The following ADGRL2 variants were observed in gnomAD, a reference collection of about 807,000 sequenced individuals.
ADGRL2 encodes adhesion G protein-coupled receptor L2.
A neutral mutation model predicts 157.4 loss-of-function variants in ADGRL2; 44 were observed. That is an observed-to-expected ratio of 0.28 (90% CI 0.22 to 0.36). ADGRL2 has a LOEUF of 0.36. ADGRL2 is among the 10% of genes least tolerant of loss of function. The pLI, the probability that ADGRL2 is intolerant of heterozygous loss-of-function variation, is 1.00. For missense variants in ADGRL2, 1,510 were observed against 1,768.9 expected, an observed-to-expected ratio of 0.85 and a Z score of 2.63; for synonymous variants, 585 against 624.7, an observed-to-expected ratio of 0.94 and a Z score of 0.95.
At chr1:81,308,055 C>T (rs1216546902) in intron 1 of ADGRL2, among the ~76,000 whole-genome samples, 3 of 151,252 alleles carry the variant, frequency 2.0e-5, no homozygotes, top group East Asian at 1.9e-4. Context: ...GCAAGCTACT[C>T]GGCTAGGATA....
At chr1:81,541,069 T>C (rs2079872079) in intron 2 of ADGRL2, among the ~76,000 whole-genome samples, 1 of 152,200 alleles carries the variant, frequency 6.6e-6, no homozygotes, top group Non-Finnish European at 1.5e-5. Flanking sequence ...CCCTGCCCTC[T>C]AGGAACTTAT....
intron 3 of ADGRL2, among the ~76,000 whole-genome samples, chr1:81,688,739 A>G (rs1215819086): frequency 6.6e-6 from 1 of 151,954 alleles, no homozygotes; most frequent in Non-Finnish European, 1.5e-5. Context: ...GGGGGTGTTG[A>G]AGGCCTTGTT....
intron 15 of ADGRL2, among the ~76,000 whole-genome samples, chr1:81,969,715 G>A (rs1658164036): frequency 6.6e-6 from 1 of 152,064 alleles, no homozygotes; most frequent in African/African-American, 2.4e-5. Context: ...TCTGACCAGT[G>A]ATCCTTTCTT....
intron 2 of ADGRL2, among the ~76,000 whole-genome samples, chr1:81,553,370 C>G (rs546968915): frequency 6.6e-6 from 1 of 152,228 alleles, no homozygotes; most frequent in African/African-American, 2.4e-5. Context: ...TCTCCCAAAG[C>G]AGTATTTGCA....
At chr1:81,306,344 G>A (rs1659337028) in exon 1 of ADGRL2, 1 of 152,204 alleles carries the variant, frequency 6.6e-6, no homozygotes, top group South Asian at 2.1e-4. Context: ...AGCTTGAGGA[G>A]GTCACTCGTT....
intron 3 of ADGRL2, among the ~76,000 whole-genome samples, chr1:81,610,048 T>C (rs2081508801): frequency 6.6e-6 from 1 of 152,202 alleles, no homozygotes; most frequent in African/African-American, 2.4e-5. Context: ...CACTGTCAGC[T>C]AACAGCCTCC....
At chr1:81,720,179 C>CTTTTTTTT (rs370916970) in intron 1 of ADGRL2, among the ~76,000 whole-genome samples, 20 of 138,880 alleles carry the variant, frequency 1.4e-4, no homozygotes, top group Admixed American at 2.1e-4. Flanking sequence ...TCCTTTTTTT[C>CTTTTTTTT]TTTTCTTTTT....
chr1:81,761,061 C>T (rs563796500), intron 1 of ADGRL2, among the ~76,000 whole-genome samples: 142 of 151,714 alleles, frequency 9.4e-4, no homozygotes, highest in African/African-American at 3.3e-3. Context: ...CCTTCAAATC[C>T]CAGTTTTATT....
At chr1:81,429,626 G>T (rs1210241885) in intron 1 of ADGRL2, among the ~76,000 whole-genome samples, 1 of 152,232 alleles carries the variant, frequency 6.6e-6, no homozygotes, top group Non-Finnish European at 1.5e-5. Flanking sequence ...GCTGCTAGCA[G>T]CTCTTCAATC....
chr1:81,970,784 T>C (rs1416067279), intron 16 of ADGRL2, among the ~76,000 whole-genome samples: 1 of 152,132 alleles, frequency 6.6e-6, no homozygotes, highest in South Asian at 2.1e-4. Flanking sequence ...CTGAAACAAA[T>C]TGAAAAAGTA....
chr1:81,488,486 G>A (rs1476674238), intron 2 of ADGRL2, among the ~76,000 whole-genome samples: 4 of 151,054 alleles, frequency 2.6e-5, no homozygotes, highest in African/African-American at 9.7e-5. Context: ...AATAGCTTGA[G>A]CTCAGGAGTT....
chr1:81,762,070 C>T (rs1015818132), intron 2 of ADGRL2, among the ~76,000 whole-genome samples: 2 of 152,038 alleles, frequency 1.3e-5, no homozygotes, highest in Non-Finnish European at 2.9e-5. Context: ...ACAGGAAATA[C>T]AAGGTTTTGC....
At position 81,646,385 on chromosome 1, in the gene ADGRL2, C is replaced by T. The variant is rs138662744; in HGVS notation, c.-143+65405C>T. ...CACTATTGAGTAAAGGCCCTGGTCA[C>T]GATCCACTAGGAATGACTTCATGGG... On this transcript the variant is annotated intron_variant, in intron 3 of 24. Transcript: ENST00000370721. Among the ~76,000 whole-genome samples, 650 of 152,258 alleles carry T rather than the reference C, an allele frequency of 4.3e-3. 5 individuals are homozygous for T. Among genetic ancestry groups the T allele is most frequent in the African/African-American group, 0.014 (588 of 41,554 alleles).
intron 1 of ADGRL2, among the ~76,000 whole-genome samples, chr1:81,371,021 A>T (rs146853667): frequency 1.8e-3 from 269 of 152,268 alleles, no homozygotes; most frequent in African/African-American, 6.3e-3. Context: ...TTAAAAATGT[A>T]TCTATTTAGG....
rs1003376430 is a variant in ADGRL2 at position 81,842,655 on chromosome 1, C to CT, written c.73+5604dup. 7.2e-5 allele frequency among the ~76,000 whole-genome samples: 11 copies of CT among 152,082 alleles called. No individual in the cohort carries two copies. The East Asian group carries it at 1.9e-3, about 27-fold the overall frequency. On this transcript the variant is annotated intron_variant, in intron 2 of 23. Coordinates refer to ENST00000686636, the MANE Select transcript of ADGRL2 (RefSeq NM_001366006.2). ...ATATGCATGAGACACCACACCCAGC[C>CT]TTTTTTGCTCTTTTCAAGAGTATAC...
intron 1 of ADGRL2, among the ~76,000 whole-genome samples, chr1:81,375,958 T>C (rs1002551389): frequency 9.2e-5 from 14 of 152,212 alleles, no homozygotes; most frequent in African/African-American, 3.1e-4. Flanking sequence ...TTATACTTAC[T>C]AACTTTAATA....
intron 1 of ADGRL2, among the ~76,000 whole-genome samples, chr1:81,731,023 T>G (rs574331414): frequency 6.6e-6 from 1 of 152,290 alleles, no homozygotes; most frequent in Non-Finnish European, 1.5e-5. Flanking sequence ...TAAAATAGTT[T>G]ATTTATTACT....
At chr1:81,649,270 T>A (rs981193090) in intron 3 of ADGRL2, among the ~76,000 whole-genome samples, 1 of 152,140 alleles carries the variant, frequency 6.6e-6, no homozygotes, top group Non-Finnish European at 1.5e-5. Context: ...ACCAAAAACC[T>A]TTTCTCGCTG....
chr1:81,850,377 G>A (rs1417015632), intron 2 of ADGRL2, among the ~76,000 whole-genome samples: 1 of 151,842 alleles, frequency 6.6e-6, no homozygotes, highest in African/African-American at 2.4e-5. Context: ...CAACATGTGA[G>A]TCATTGTCTT....
Sources: gnomAD v4.1 joint callset for allele counts (sites outside exome capture counted in the v4.1 genomes callset) on GRCh38, gnomAD v4.1.1 for gene constraint, MANE v1.5 for transcripts, NCBI Gene and HGNC (gene_info 2026-07-23, HGNC 2026-07-21) for gene names.